CTTNBP2NL: variants seen among roughly 807,000 people sequenced by gnomAD.
The protein encoded by CTTNBP2NL is CTTNBP2 N-terminal-like protein.
In CTTNBP2NL, 16 loss-of-function variants were observed where a neutral mutation model predicts 32.5. That is an observed-to-expected ratio of 0.49 (90% CI 0.33 to 0.75). CTTNBP2NL has a LOEUF of 0.75. Ranked by LOEUF, CTTNBP2NL falls within the 30% of genes least tolerant of loss-of-function variation. CTTNBP2NL has a pLI of 0.02. For synonymous variants in CTTNBP2NL, 298 were observed against 289.4 expected (o/e 1.03, Z -0.30); for missense variants, 645 against 756.0 (o/e 0.85, Z 1.72).
rs1553227272 is a variant in CTTNBP2NL, at chr1:112,452,335, C to CTTCTTTTTTTTTTTT, written c.331-2112_331-2111insCTTTTTTTTTTTTTT. ...GCATACACCACAGCACCAGTCTCTT[C>CTTCTTTTTTTTTTTT]TTTTTTTTTTTTTTTTTTTTTTTTT... On this transcript the variant is annotated intron_variant, in intron 4 of 5. Transcript: ENST00000271277. 4.0e-4 allele frequency among the ~76,000 whole-genome samples: 26 copies of CTTCTTTTTTTTTTTT among 65,718 alleles called. 2 individuals carry two copies. The highest frequency in any genetic ancestry group is 1.5e-3 in the African/African-American group (24 of 16,410). 43.1% of individuals were successfully genotyped at this position (65,718 alleles called of 152,430 possible). A position where few individuals can be genotyped will look rare whatever the true frequency, so the allele number is the denominator to read the frequency against.
intron 1 of CTTNBP2NL, among the ~76,000 whole-genome samples, chr1:112,401,690 T>C (rs1012478020): frequency 6.6e-6 from 1 of 151,500 alleles, no homozygotes; most frequent in African/African-American, 2.4e-5. Context: ...TGAGTAGAGG[T>C]GGGGGAACAT....
At chr1:112,406,319 G>A (rs1024502043) in intron 1 of CTTNBP2NL, among the ~76,000 whole-genome samples, 1 of 152,174 alleles carries the variant, frequency 6.6e-6, no homozygotes, top group African/African-American at 2.4e-5. Flanking sequence ...TTTGTGAATC[G>A]TTGTTTAGCT....
At chr1:112,416,401 G>T in intron 3 of CTTNBP2NL, 137 bp downstream of exon 3, 1 of 570,044 alleles carries the variant, frequency 1.8e-6, no homozygotes, top group South Asian at 2.3e-5. Flanking sequence ...GCCATAGGTA[G>T]CCACCTACAT....
intron 4 of CTTNBP2NL, among the ~76,000 whole-genome samples, chr1:112,453,518 G>A (rs1374239351): frequency 3.3e-5 from 5 of 152,244 alleles, no homozygotes; most frequent in East Asian, 1.9e-4. Context: ...TTGGGAGGCT[G>A]AGGCGGGTGG....
chr1:112,399,993 C>T lies in CTTNBP2NL; in HGVS notation c.-134+3721C>T, dbSNP rs945267170. 6.6e-5 allele frequency among the ~76,000 whole-genome samples: 10 copies of T among 152,022 alleles called. No individual in the cohort carries two copies. The East Asian group carries it at 1.2e-3, about 18-fold the overall frequency. The stretch of plus-strand genomic sequence containing the variant: ...CTGAGGCAGGAGAATGGCTTAAACC[C>T]AGGAGGCGGAGGTTGCAGTGAGCCG... On this transcript the variant is annotated intron_variant, in intron 1 of 5. Coordinates refer to ENST00000271277, the MANE Select transcript of CTTNBP2NL (RefSeq NM_018704.3).
At chr1:112,451,816 G>C (rs187404209) in intron 4 of CTTNBP2NL, among the ~76,000 whole-genome samples, 2 of 149,396 alleles carry the variant, frequency 1.3e-5, no homozygotes, top group East Asian at 3.9e-4. Context: ...AACAGGCTTT[G>C]AGCCAGTTCT....
intron 3 of CTTNBP2NL, among the ~76,000 whole-genome samples, chr1:112,432,236 G>C (rs1280807619): frequency 6.6e-6 from 1 of 151,812 alleles, no homozygotes; most frequent in Non-Finnish European, 1.5e-5. Flanking sequence ...ACCACACCCA[G>C]CTAATTTTTT....
rs374132630 is a variant in CTTNBP2NL at position 112,449,016 on chromosome 1, G to A, written c.174G>A (p.Gln58=). Residue 58 remains glutamine (Q), a synonymous_variant, in exon 4 of 6, where the codon CAG becomes CAA. Transcript: ENST00000271277. Reference sequence around the variant, plus strand: ...TCAGTGATCCTTTAATGGCTCTACAGAGAGATTTTGAAACACTGAAGGAGA... The same window carrying A: ...TCAGTGATCCTTTAATGGCTCTACAAAGAGATTTTGAAACACTGAAGGAGA... ...YNISDPLMAL[Q]RDFETLKEKN... The A allele has an allele frequency of 6.2e-7, 1 of 1,612,994 alleles. No individual in the cohort carries two copies. Among genetic ancestry groups the A allele is most frequent in the African/African-American group, 1.3e-5 (1 of 74,906 alleles).
At position 112,458,180 on chromosome 1, in the gene CTTNBP2NL, T is replaced by A. The variant is rs1306519400; in HGVS notation, c.*768T>A. 6.5e-6 allele frequency: 1 copy of A among 152,674 alleles called. No individual in the cohort carries two copies. The highest frequency in any genetic ancestry group is 1.5e-5 in the Non-Finnish European group (1 of 68,044). 9.5% of individuals were successfully genotyped at this position (152,674 alleles called of 1,614,324 possible). A position where few individuals can be genotyped will look rare whatever the true frequency, so the allele number is the denominator to read the frequency against. ...TTCAAAAAATGTCTCAAGCATCTAC[T>A]GTTGTGTAAGGAACTTCTGATTCTG... On this transcript the variant is annotated 3_prime_UTR_variant, in exon 6 of 6. Transcript: ENST00000271277.
intron 3 of CTTNBP2NL, among the ~76,000 whole-genome samples, chr1:112,433,134 T>C (rs1373807750): frequency 6.6e-6 from 1 of 152,228 alleles, no homozygotes; most frequent in African/African-American, 2.4e-5. Context: ...CATCACATAC[T>C]GTTCAAAATC....
rs764991937 is a variant in CTTNBP2NL, at chr1:112,449,163, G to A, written c.321G>A (p.Arg107=). The A allele has an allele frequency of 1.3e-5, 20 of 1,597,596 alleles. No individual in the cohort carries two copies. The highest frequency in any genetic ancestry group is 1.5e-5 in the Non-Finnish European group (18 of 1,165,390). The change falls in exon 4 of 6, where the codon AGG becomes AGA. Residue 107 remains arginine (R), a synonymous_variant. Coordinates refer to ENST00000271277, the MANE Select transcript of CTTNBP2NL (RefSeq NM_018704.3). The part of the protein sequence containing the change: ...MLSQLAAAES[R]HRKVILDLEE... Reference sequence around the variant, plus strand: ...CCCAGCTGGCTGCTGCTGAGAGCAGGCACCGAAAGGTAGGTTCACCTCAGT... The same window carrying A: ...CCCAGCTGGCTGCTGCTGAGAGCAGACACCGAAAGGTAGGTTCACCTCAGT...
At chr1:112,426,427 C>A (rs994504927) in intron 3 of CTTNBP2NL, among the ~76,000 whole-genome samples, 3 of 151,880 alleles carry the variant, frequency 2.0e-5, no homozygotes, top group Non-Finnish European at 4.4e-5. Context: ...CACAGTGGCT[C>A]ACACCTGTAA....
upstream of CTTNBP2NL, among the ~76,000 whole-genome samples, chr1:112,394,486 C>T (rs1055946428): frequency 2.0e-5 from 3 of 152,204 alleles, no homozygotes; most frequent in East Asian, 5.8e-4. Flanking sequence ...TGAGTACCTA[C>T]TCTGTGCCTG....
intron 1 of CTTNBP2NL, among the ~76,000 whole-genome samples, chr1:112,399,562 T>A (rs1648435028): frequency 6.6e-6 from 1 of 152,162 alleles, no homozygotes; most frequent in African/African-American, 2.4e-5. Context: ...GAATCACATT[T>A]GCAGTGCTAC....
At position 112,458,337 on chromosome 1, in the gene CTTNBP2NL, T is replaced by G. The variant is rs955140816; in HGVS notation, c.*925T>G. 6.6e-6 allele frequency: 1 copy of G among 152,022 alleles called. No homozygotes were observed. Among genetic ancestry groups the G allele is most frequent in the Non-Finnish European group, 1.5e-5 (1 of 67,906 alleles). The allele number at this position is 152,022 out of a possible 1,614,324, so 9.4% of individuals were successfully genotyped here. ...TGTAATATTATAGGTCAGTCAGAAT[T>G]ATACAAGTTTTACCAAATTGTTACA... On this transcript the variant is annotated 3_prime_UTR_variant, in exon 6 of 6. Transcript: ENST00000271277.
chr1:112,395,074 G>A (rs1648282292), upstream of CTTNBP2NL, among the ~76,000 whole-genome samples: 1 of 152,214 alleles, frequency 6.6e-6, no homozygotes, highest in African/African-American at 2.4e-5. Context: ...CATGAGGCAG[G>A]CTGCATCTGC....
At chr1:112,400,718 G>T (rs1648471952) in intron 1 of CTTNBP2NL, among the ~76,000 whole-genome samples, 1 of 152,102 alleles carries the variant, frequency 6.6e-6, no homozygotes, top group Non-Finnish European at 1.5e-5. Flanking sequence ...CTTTAACCCG[G>T]GAGACGGAGG....
At chr1:112,392,073 A>G (rs1648201500), upstream of CTTNBP2NL, among the ~76,000 whole-genome samples, 1 of 152,212 alleles carries the variant, frequency 6.6e-6, no homozygotes, top group Non-Finnish European at 1.5e-5. Context: ...AGCTCCAAAT[A>G]TTCTATAAAT....
chr1:112,392,753 A>G (rs1190507812), upstream of CTTNBP2NL, among the ~76,000 whole-genome samples: 6 of 152,170 alleles, frequency 3.9e-5, no homozygotes, highest in African/African-American at 4.8e-5. Context: ...TTACACGCCA[A>G]TGATCACTGG....
Sources: gnomAD v4.1 joint callset for allele counts (sites outside exome capture counted in the v4.1 genomes callset) on GRCh38, gnomAD v4.1.1 for gene constraint, MANE v1.5 for transcripts, NCBI Gene and HGNC (gene_info 2026-07-23, HGNC 2026-07-21) for gene names.